Variants in TMEM196 observed in about 807,000 individuals in gnomAD.
The protein encoded by TMEM196 is transmembrane protein 196.
A neutral mutation model predicts 20.0 loss-of-function variants in TMEM196; 17 were observed. That is an observed-to-expected ratio of 0.85 (90% confidence interval 0.58 to 1.27). The LOEUF (loss-of-function observed/expected upper bound fraction) is 1.27. Among genes scored for constraint, TMEM196 ranks in the 50% most tolerant of loss-of-function variants. TMEM196 has a pLI of 0.00. For missense variants in TMEM196, 267 were observed against 223.0 expected (o/e 1.20, Z -1.26); for synonymous variants, 113 against 88.9 (o/e 1.27, Z -1.52).
At chr7:19,732,430 G>T (rs10260894) in intron 1 of TMEM196, among the ~76,000 whole-genome samples, 1 of 151,736 alleles carries the variant, frequency 6.6e-6, no homozygotes, top group Non-Finnish European at 1.5e-5. Flanking sequence ...AAAATTAGCC[G>T]GGCGTGGTTG....
rs2128042570 is a variant in TMEM196, at chr7:19,772,638, C to T, written c.59G>A (p.Gly20Glu). ...CACGGCCACGCTGGACACCCCCAGC[C>T]CTATCTCCAGCACGGAGAGCACCAA... ...SLLVLSVLEIGLGVSSVAVGA... is the reference protein window; with the variant it reads ...SLLVLSVLEIELGVSSVAVGA... The change falls in exon 1 of 5, where the codon GGG becomes GAG. Residue 20 changes from glycine (G) to glutamate (E), a missense_variant. Physicochemically the swap from Gly to Glu is moderately conservative, Grantham distance 98. Transcript: ENST00000405844. 6 of 1,547,074 alleles carry T rather than the reference C, an allele frequency of 3.9e-6. No homozygotes were observed. Among genetic ancestry groups the T allele is most frequent in the Non-Finnish European group, 2.6e-6 (3 of 1,145,674 alleles).
chr7:19,766,726 TAC>T (rs373208482), intron 1 of TMEM196, among the ~76,000 whole-genome samples: 21 of 150,480 alleles, frequency 1.4e-4, no homozygotes, highest in South Asian at 4.2e-4. Flanking sequence ...TGCAAGTGCA[TAC>T]ACACACACAC....
intron 1 of TMEM196, among the ~76,000 whole-genome samples, chr7:19,765,975 C>A (rs948505263): frequency 6.6e-6 from 1 of 152,124 alleles, no homozygotes; most frequent in African/African-American, 2.4e-5. Context: ...AGGCAAGGAG[C>A]AGCACAGGCC....
At chr7:19,725,435 A>G in intron 3 of TMEM196, 79 bp downstream of exon 3, 1 of 1,473,320 alleles carries the variant, frequency 6.8e-7, no homozygotes, top group Non-Finnish European at 9.1e-7. Flanking sequence ...TGTGATCTAA[A>G]GTTTCAAGTT....
Position 19,772,732 on chromosome 7 carries a change from G to T in TMEM196, c.-36C>A. 1 of 1,444,284 alleles carries T rather than the reference G, an allele frequency of 6.9e-7. No homozygotes were observed. Among genetic ancestry groups the T allele is most frequent in the Non-Finnish European group, 9.2e-7 (1 of 1,083,880 alleles). 89.5% of individuals were successfully genotyped at this position (1,444,284 alleles called of 1,614,324 possible). A position where few individuals can be genotyped will look rare whatever the true frequency, so the allele number is the denominator to read the frequency against. ...TCATCTTCCTTCCAGATCAGAGAGG[G>T]AAATCAACCATCTACCTTTTTTTCT... is the stretch of plus-strand genomic sequence containing the variant. On this transcript the variant is annotated 5_prime_UTR_variant, in exon 1 of 5. Transcript: ENST00000405844.
chr7:19,752,485 C>T lies in TMEM196; in HGVS notation c.147+20065G>A, dbSNP rs184044327. Among the ~76,000 whole-genome samples, 174 of 152,266 alleles carry T rather than the reference C, an allele frequency of 1.1e-3. 1 individual carries two copies. The highest frequency in any genetic ancestry group is 3.7e-3 in the African/African-American group (153 of 41,542). On this transcript the variant is annotated intron_variant, in intron 1 of 4. Coordinates refer to ENST00000405844, the MANE Select transcript of TMEM196 (RefSeq NM_001363562.2). ...ACAGGATTATTTAAGGGCTTTTGAG[C>T]GAGTCCCTCTGCCTTTAGTTTCTCT... is the stretch of plus-strand genomic sequence containing the variant.
chr7:19,746,033 G>A (rs1337618181), intron 1 of TMEM196, among the ~76,000 whole-genome samples: 5 of 152,082 alleles, frequency 3.3e-5, no homozygotes, highest in Admixed American at 2.0e-4. Context: ...TGCAGGACAT[G>A]CACATTCATA....
intron 1 of TMEM196, among the ~76,000 whole-genome samples, chr7:19,750,714 CA>C (rs1784927550): frequency 6.6e-6 from 1 of 152,124 alleles, no homozygotes; most frequent in Non-Finnish European, 1.5e-5. Flanking sequence ...CCTTTATAGG[CA>C]GTTCTATCCT....
rs1443919304 is a variant in TMEM196 at position 19,721,782 on chromosome 7, T to C, written c.*346A>G. On this transcript the variant is annotated 3_prime_UTR_variant, in exon 5 of 5. Coordinates refer to ENST00000405844, the MANE Select transcript of TMEM196 (RefSeq NM_001363562.2). ...AATCATGCTAGTCAAATAGTGTTTG[T>C]ATAGAATATGCATTTTATTTCTGTT... 2 of 286,946 alleles carry C rather than the reference T, an allele frequency of 7.0e-6. No individual in the cohort carries two copies. Among genetic ancestry groups the C allele is most frequent in the Non-Finnish European group, 1.3e-5 (2 of 155,514 alleles). 17.8% of individuals were successfully genotyped at this position (286,946 alleles called of 1,614,324 possible). A position where few individuals can be genotyped will look rare whatever the true frequency, so the allele number is the denominator to read the frequency against.
intron 1 of TMEM196, among the ~76,000 whole-genome samples, chr7:19,754,423 G>GA (rs1254899986): frequency 6.6e-6 from 1 of 152,010 alleles, no homozygotes; most frequent in Non-Finnish European, 1.5e-5. Context: ...GGAAGCAGAT[G>GA]AAAAAAATCA....
At chr7:19,732,181 C>T (rs1453296482) in intron 1 of TMEM196, among the ~76,000 whole-genome samples, 2 of 152,130 alleles carry the variant, frequency 1.3e-5, no homozygotes, top group Non-Finnish European at 2.9e-5. Context: ...GGACATGGTC[C>T]AGAGAGGTCC....
At chr7:19,763,391 G>A (rs886098986) in intron 1 of TMEM196, among the ~76,000 whole-genome samples, 9 of 152,060 alleles carry the variant, frequency 5.9e-5, no homozygotes, top group African/African-American at 2.2e-4. Context: ...AGGCAACTAA[G>A]AATTCCAAAA....
chr7:19,761,330 A>G (rs1295474456), intron 1 of TMEM196, among the ~76,000 whole-genome samples: 1 of 152,194 alleles, frequency 6.6e-6, no homozygotes, highest in Non-Finnish European at 1.5e-5. Flanking sequence ...TATTTTTTAA[A>G]CTGTAATGAA....
intron 1 of TMEM196, among the ~76,000 whole-genome samples, chr7:19,748,121 G>T (rs978442826): frequency 2.0e-5 from 3 of 151,512 alleles, no homozygotes; most frequent in Admixed American, 1.3e-4. Flanking sequence ...ATGATTTTCT[G>T]GGGCATTGCT....
At chr7:19,722,339 A>G (rs544379204) in intron 4 of TMEM196, among the ~76,000 whole-genome samples, 53 of 152,254 alleles carry the variant, frequency 3.5e-4, no homozygotes, top group African/African-American at 1.3e-3. Flanking sequence ...AGAGTCAGTT[A>G]GACCAAAATA....
chr7:19,725,600 T>G lies in TMEM196; in HGVS notation c.373A>C (p.Thr125Pro). 1.2e-6 allele frequency: 2 copies of G among 1,614,062 alleles called. No homozygotes were observed. Among genetic ancestry groups the G allele is most frequent in the Non-Finnish European group, 1.7e-6 (2 of 1,179,978 alleles). ...IGGCTLSSWL[T>P]CRLASYEQRR... The stretch of plus-strand genomic sequence containing the variant: ...TGTTCATAACTGGCTAGTCGACAAG[T>G]GAGCCAGGAAGAGAGAGTGCAGCCC... Residue 125 changes from threonine (T) to proline (P), a missense_variant, in exon 3 of 5, where the codon ACT (threonine) becomes CCT (proline). Transcript: ENST00000405844.
At chr7:19,751,277 A>G (rs1474530790) in intron 1 of TMEM196, among the ~76,000 whole-genome samples, 1 of 152,246 alleles carries the variant, frequency 6.6e-6, no homozygotes, top group African/African-American at 2.4e-5. Flanking sequence ...CTGAAGCACT[A>G]GTGGAACCGT....
At position 19,725,732 on chromosome 7, in the gene TMEM196, T is replaced by A; in HGVS notation, c.241A>T (p.Ile81Phe). 1 of 1,612,614 alleles carries A rather than the reference T, an allele frequency of 6.2e-7. No homozygotes were observed. Among genetic ancestry groups the A allele is most frequent in the Non-Finnish European group, 8.5e-7 (1 of 1,178,982 alleles). The change falls in exon 3 of 5, where the codon ATT becomes TTT. Residue 81 changes from isoleucine to phenylalanine, a missense_variant. By Grantham distance (21) the Ile-to-Phe change is conservative. Coordinates refer to ENST00000405844, the MANE Select transcript of TMEM196 (RefSeq NM_001363562.2). ...AACTGAAAATTCAGGATGCCCCCAA[T>A]AAGTCCACAGATACAGCAGGCTGAA... is the stretch of plus-strand genomic sequence containing the variant. ...LFSACCICGL[I>F]GGILNFQFLR... is the part of the protein sequence containing the mutation.
At chr7:19,726,202 T>A (rs1783994701) in intron 2 of TMEM196, among the ~76,000 whole-genome samples, 1 of 152,142 alleles carries the variant, frequency 6.6e-6, no homozygotes, top group Non-Finnish European at 1.5e-5. Flanking sequence ...GAAAAATGAA[T>A]GGTCAATAGC....
Sources: allele counts gnomAD v4.1 joint callset (sites outside exome capture counted in the v4.1 genomes callset), GRCh38; gene constraint gnomAD v4.1.1; transcripts MANE v1.5; gene names NCBI Gene and HGNC (gene_info 2026-07-23, HGNC 2026-07-21).